The following CPEB3 variants were observed in gnomAD, a reference collection of about 807,000 sequenced individuals.
The protein encoded by CPEB3 is cytoplasmic polyadenylation element-binding protein 3.
In CPEB3, 20 loss-of-function variants were observed where a neutral mutation model predicts 67.2. The ratio of observed to expected loss-of-function variants is 0.30; its 90% CI spans 0.21 to 0.43. CPEB3 has a LOEUF of 0.43. Ranked by LOEUF, CPEB3 falls within the 20% of genes least tolerant of loss-of-function variation. The pLI, the probability that CPEB3 is intolerant of heterozygous loss-of-function variation, is 1.00. For synonymous variants in CPEB3, 376 were observed against 393.1 expected, an observed-to-expected ratio of 0.96 and a Z score of 0.51; for missense variants, 746 against 968.6, an observed-to-expected ratio of 0.77 and a Z score of 3.05.
intron 2 of CPEB3, among the ~76,000 whole-genome samples, chr10:92,196,986 A>C (rs1380866611): frequency 6.6e-6 from 1 of 152,142 alleles, no homozygotes; most frequent in African/African-American, 2.4e-5. Context: ...TTCAGTACTA[A>C]ATACAGAACA....
intron 1 of CPEB3, among the ~76,000 whole-genome samples, chr10:92,288,601 AT>A (rs1330098793): frequency 6.6e-6 from 1 of 152,130 alleles, no homozygotes; most frequent in South Asian, 2.1e-4. Flanking sequence ...CAGTAACAGG[AT>A]TTTTTTCTAC....
At chr10:92,177,152 C>G (rs948618609) in intron 4 of CPEB3, among the ~76,000 whole-genome samples, 1 of 152,162 alleles carries the variant, frequency 6.6e-6, no homozygotes, top group Admixed American at 6.5e-5. Flanking sequence ...ACATATGTAG[C>G]TAGAAGAACT....
intron 9 of CPEB3, among the ~76,000 whole-genome samples, chr10:92,070,582 G>A (rs1842714443): frequency 6.6e-6 from 1 of 151,994 alleles, no homozygotes; most frequent in Non-Finnish European, 1.5e-5. Context: ...TTCAAGGACA[G>A]CCTGGTCAAC....
chr10:92,192,401 G>A (rs1849021484), intron 3 of CPEB3, 76 bp downstream of exon 3: 1 of 1,398,628 alleles, frequency 7.1e-7, no homozygotes, highest in Non-Finnish European at 9.8e-7. Flanking sequence ...AAACAAACCA[G>A]AAAAATCAAA....
intron 6 of CPEB3, among the ~76,000 whole-genome samples, chr10:92,138,736 T>C (rs946914048): frequency 6.6e-6 from 1 of 152,184 alleles, no homozygotes; most frequent in African/African-American, 2.4e-5. Flanking sequence ...GGAACACTTG[T>C]ACGCTGTTGG....
chr10:92,101,433 A>G (rs1384077998), intron 7 of CPEB3, among the ~76,000 whole-genome samples: 4 of 152,172 alleles, frequency 2.6e-5, no homozygotes, highest in Admixed American at 1.3e-4. Flanking sequence ...AACAAGAAGC[A>G]GCACCCCAGC....
intron 6 of CPEB3, among the ~76,000 whole-genome samples, chr10:92,117,241 C>T (rs963442569): frequency 6.7e-6 from 1 of 148,710 alleles, no homozygotes; most frequent in African/African-American, 2.5e-5. Flanking sequence ...CCAGGCTGGT[C>T]TTGAACTCCT....
intron 1 of CPEB3, among the ~76,000 whole-genome samples, chr10:92,282,205 T>C (rs548457512): frequency 8.3e-4 from 127 of 152,294 alleles, no homozygotes; most frequent in African/African-American, 2.9e-3. Context: ...TCCCACCATA[T>C]TTATAAGGAG....
chr10:92,213,674 G>A (rs955867517), intron 2 of CPEB3, among the ~76,000 whole-genome samples: 1 of 152,090 alleles, frequency 6.6e-6, no homozygotes, highest in African/African-American at 2.4e-5. Context: ...ACTCCTGACT[G>A]GGTCTTTAAA....
In CPEB3 at chr10:92,284,273, G is replaced by A. The variant is rs148033524; in HGVS notation, c.-12+6653C>T. On this transcript the variant is annotated intron_variant, in intron 1 of 9. Coordinates refer to ENST00000265997, the MANE Select transcript of CPEB3 (RefSeq NM_014912.5). ...AGGATGGTCTCCATCTCTTGACCTC[G>A]TCATCCGCCCGCCTCAGCCTCCCAA... Among the ~76,000 whole-genome samples the A allele has an allele frequency of 2.2e-3, 327 of 151,500 alleles. 1 individual carries two copies. Among genetic ancestry groups the A allele is most frequent in the African/African-American group, 7.4e-3 (306 of 41,220 alleles).
At chr10:92,081,283 C>T in intron 9 of CPEB3, 37 bp downstream of exon 9, 4 of 1,611,388 alleles carry the variant, frequency 2.5e-6, no homozygotes, top group Non-Finnish European at 3.4e-6. Flanking sequence ...AACTTCTTTT[C>T]TCTCCCATAG....
rs369359905 is a variant in CPEB3, at chr10:92,267,035, CA to C, written c.-12+23890del. Among the ~76,000 whole-genome samples, 551 of 140,484 alleles carry C rather than the reference CA, an allele frequency of 3.9e-3. 4 individuals carry two copies. Among genetic ancestry groups the C allele is most frequent in the African/African-American group, 0.012 (474 of 38,502 alleles). The allele number at this position is 140,484 out of a possible 152,430, so 92.2% of individuals were successfully genotyped here. On this transcript the variant is annotated intron_variant, in intron 1 of 9. Transcript: ENST00000265997. ...GGGGACAAGAGCAAGACTTCATCTC[CA>C]AAAAAAAAAAGATGCTCATTAAAGG...
intron 6 of CPEB3, among the ~76,000 whole-genome samples, chr10:92,140,327 G>A (rs527989032): frequency 1.1e-3 from 165 of 152,166 alleles, no homozygotes; most frequent in Non-Finnish European, 1.6e-3. Flanking sequence ...AAATAATGCC[G>A]CATATCTACA....
chr10:92,260,264 C>T (rs11186880), intron 1 of CPEB3, among the ~76,000 whole-genome samples: 33,791 of 152,068 alleles, frequency 0.22, 4,719 homozygotes, highest in Middle Eastern at 0.34. Context: ...AAAATCATGT[C>T]TTCTGGCTGG....
intron 2 of CPEB3, among the ~76,000 whole-genome samples, chr10:92,214,041 C>A (rs572590721): frequency 6.6e-6 from 1 of 152,280 alleles, no homozygotes; most frequent in South Asian, 2.1e-4. Flanking sequence ...TCAAGTAACA[C>A]ACAACCATTT....
At chr10:92,215,395 G>A (rs1850310141) in intron 2 of CPEB3, among the ~76,000 whole-genome samples, 1 of 150,142 alleles carries the variant, frequency 6.7e-6, no homozygotes, top group Admixed American at 6.7e-5. Flanking sequence ...CTCCTGATCC[G>A]CCCACCACAG....
intron 6 of CPEB3, among the ~76,000 whole-genome samples, chr10:92,113,250 C>A (rs547209292): frequency 6.6e-6 from 1 of 152,242 alleles, no homozygotes; most frequent in African/African-American, 2.4e-5. Flanking sequence ...TAAAACCTGA[C>A]TGCAAAACTA....
intron 2 of CPEB3, among the ~76,000 whole-genome samples, chr10:92,217,067 G>T (rs147556980): frequency 6.7e-6 from 1 of 148,784 alleles, no homozygotes; most frequent in African/African-American, 2.5e-5. Context: ...AATTGGCTGG[G>T]CATAGTGGTA....
chr10:92,199,679 CAAAAAAAAAAAA>C, intron 2 of CPEB3, among the ~76,000 whole-genome samples: 1 of 71,072 alleles, frequency 1.4e-5, no homozygotes, highest in South Asian at 5.7e-4. Flanking sequence ...GACTCCATCT[CAAAAAAAAAAAA>C]AAAAAAAAAA....
Sources: gnomAD v4.1 joint callset for allele counts (sites outside exome capture counted in the v4.1 genomes callset) on GRCh38, gnomAD v4.1.1 for gene constraint, MANE v1.5 for transcripts, NCBI Gene and HGNC (gene_info 2026-07-23, HGNC 2026-07-21) for gene names.